CRTC2: variants seen among roughly 807,000 people sequenced by gnomAD.
The protein encoded by CRTC2 is CREB-regulated transcription coactivator 2.
In CRTC2, 25 loss-of-function variants were observed where a neutral mutation model predicts 70.9. The ratio of observed to expected loss-of-function variants is 0.35; its 90% confidence interval spans 0.26 to 0.49. The LOEUF is 0.49. Ranked by LOEUF, CRTC2 falls within the 20% of genes least tolerant of loss-of-function variation. The pLI, the probability that CRTC2 is intolerant of heterozygous loss-of-function variation, is 0.98. For missense variants in CRTC2, 737 were observed against 882.6 expected (o/e 0.83, Z 2.09); for synonymous variants, 330 against 364.1 (o/e 0.91, Z 1.07).
At position 153,948,501 on chromosome 1, in the gene CRTC2, G is replaced by A. The variant is rs1294396451; in HGVS notation, c.1818C>T (p.Thr606=). 2.5e-6 allele frequency: 4 copies of A among 1,610,816 alleles called. No individual in the cohort carries two copies. The East Asian group carries it at 8.9e-5, about 36-fold the overall frequency. ...GCCCTGAGCCATGGCGGGAACAGTGGGTCAAGTTCTGGTGGTTGAAGGTGT... is the reference window on the plus strand; with the variant it reads ...GCCCTGAGCCATGGCGGGAACAGTGAGTCAAGTTCTGGTGGTTGAAGGTGT... ...DPHTFNHQNL[T]HCSRHGSGPN... Residue 606 remains threonine (T), a synonymous_variant, in exon 13 of 14, where the codon ACC becomes ACT. Coordinates refer to ENST00000368633, the MANE Select transcript of CRTC2 (RefSeq NM_181715.3).
chr1:153,958,107 C>T (rs920340718), intron 1 of CRTC2: 18 of 1,390,612 alleles, frequency 1.3e-5, no homozygotes, highest in Non-Finnish European at 1.6e-5. Flanking sequence ...CCACTCCCAC[C>T]TCACGTACTC....
intron 5 of CRTC2, 28 bp from the exon 6 acceptor site, chr1:153,953,397 A>C: frequency 6.5e-7 from 1 of 1,550,188 alleles, no homozygotes; most frequent in Non-Finnish European, 8.9e-7. Context: ...ATGAGCTGAC[A>C]CCAGTGACAG....
rs766326944 is a variant in CRTC2 at position 153,954,879 on chromosome 1, G to C, written c.366C>G (p.Thr122=). Residue 122 remains threonine, a synonymous_variant, in exon 3 of 14, where the codon ACC becomes ACG. Coordinates refer to ENST00000368633, the MANE Select transcript of CRTC2 (RefSeq NM_181715.3). ...AGTCCCCTGTGAAGGATATGTGGCG[G>C]GTGTATCGGCGAAGTGGGGACACCA... ...RRMVSPLRRY[T]RHIDSSPYSP... is the part of the protein sequence containing the mutation. The C allele has an allele frequency of 3.1e-6, 5 of 1,612,704 alleles. No homozygotes were observed. The highest frequency in any genetic ancestry group is 1.1e-5 in the South Asian group (1 of 91,026).
Position 153,958,403 on chromosome 1 carries a change from C to A in CRTC2, c.95G>T (p.Arg32Leu), listed in dbSNP as rs774266565. The A allele has an allele frequency of 1.2e-6, 2 of 1,613,362 alleles. No individual in the cohort carries two copies. The highest frequency in any genetic ancestry group is 1.7e-6 in the Non-Finnish European group (2 of 1,179,750). ...FSEKIALQKQRQAEETAAFEE... is the reference protein window; with the variant it reads ...FSEKIALQKQLQAEETAAFEE... ...GAAGGCCGCCGTCTCCTCGGCCTGACGCTGCTTCTGCAGCGCAATCTTCTC... is the reference window on the plus strand; with the variant it reads ...GAAGGCCGCCGTCTCCTCGGCCTGAAGCTGCTTCTGCAGCGCAATCTTCTC... The change falls in exon 1 of 14, where the codon CGT (arginine) becomes CTT (leucine). Residue 32 changes from arginine to leucine, a missense_variant. Around this residue, in one of 3 missense-constraint regions of CRTC2, gnomAD observed 9 missense variants for 33.5 expected, o/e 0.27. Transcript: ENST00000368633.
At position 153,949,036 on chromosome 1, in the gene CRTC2, C is replaced by T. The variant is rs1435196017; in HGVS notation, c.1674+79G>A. 1.8e-5 allele frequency: 26 copies of T among 1,479,476 alleles called. No individual in the cohort carries two copies. The East Asian group carries it at 3.4e-4, about 19-fold the overall frequency. 91.6% of individuals were successfully genotyped at this position (1,479,476 alleles called of 1,614,324 possible). Reference sequence around the variant, plus strand: ...CACCTAGATCTCCCCATTCACAGTGCACCAGCCATGCCATTCAGGCCCCAT... The same window carrying T: ...CACCTAGATCTCCCCATTCACAGTGTACCAGCCATGCCATTCAGGCCCCAT... On this transcript the variant is annotated intron_variant, in intron 12 of 13. Coordinates refer to ENST00000368633, the MANE Select transcript of CRTC2 (RefSeq NM_181715.3).
At chr1:153,954,190 G>C in intron 4 of CRTC2, 65 bp downstream of exon 4, 1 of 1,262,548 alleles carries the variant, frequency 7.9e-7, no homozygotes, top group Admixed American at 1.8e-5. Flanking sequence ...AACCCAGAAG[G>C]GGCAACTCCT....
In CRTC2 at chr1:153,949,261, G is replaced by C; in HGVS notation, c.1528C>G (p.Leu510Val). Reference sequence around the variant, plus strand: ...TGCACTGAACAAGACTGAGAGGGCAGCCCTGGCTGCTGTAGAGACTTTGGG... The same window carrying C: ...TGCACTGAACAAGACTGAGAGGGCACCCCTGGCTGCTGTAGAGACTTTGGG... ...HTPKSLQQPGLPSQSCSVQSS... is the reference protein window; with the variant it reads ...HTPKSLQQPGVPSQSCSVQSS... Residue 510 changes from leucine to valine, a missense_variant, in exon 12 of 14, where the codon CTG (leucine) becomes GTG (valine). Transcript: ENST00000368633. 6.2e-7 allele frequency: 1 copy of C among 1,614,162 alleles called. No individual in the cohort carries two copies. The highest frequency in any genetic ancestry group is 8.5e-7 in the Non-Finnish European group (1 of 1,180,040).
At chr1:153,953,227 C>T in intron 6 of CRTC2, 39 bp downstream of exon 6, 1 of 1,016,136 alleles carries the variant, frequency 9.8e-7, no homozygotes, top group Non-Finnish European at 1.5e-6. Flanking sequence ...AAATAAATAG[C>T]TCCATGGTTA....
Position 153,955,102 on chromosome 1 carries a change from T to C in CRTC2, c.218A>G (p.Asn73Ser), listed in dbSNP as rs267598050. Residue 73 changes from asparagine to serine, a missense_variant, in exon 2 of 14, where the codon AAT (asparagine) becomes AGT (serine). Asn to Ser is a conservative substitution (Grantham distance 46). Transcript: ENST00000368633. The stretch of plus-strand genomic sequence containing the variant: ...CAGGCCAGAGCCAATCTGGTTAACA[T>C]TGGGCAGAGACCCACCATAATGAGA... Reference protein sequence around the residue: ...RSSHYGGSLPNVNQIGSGLAE... With the variant: ...RSSHYGGSLPSVNQIGSGLAE... The C allele has an allele frequency of 1.4e-5, 23 of 1,613,934 alleles. No individual in the cohort carries two copies. The highest frequency in any genetic ancestry group is 6.7e-5 in the African/African-American group (5 of 74,902).
At chr1:153,957,788 A>G (rs1320045452) in intron 1 of CRTC2, among the ~76,000 whole-genome samples, 1 of 152,144 alleles carries the variant, frequency 6.6e-6, no homozygotes, top group Non-Finnish European at 1.5e-5. Context: ...GGAAACCACA[A>G]GAAGTATTTG....
chr1:153,948,300 T>G lies in CRTC2; in HGVS notation c.1891A>C (p.Ile631Leu). ...GGCACTCCGGCCAGGGCTGCTGCAA[T>G]CTCCTTAGAGAAACCTGGAGAGGAG... ...GDSSPGFSKE[I>L]AAALAGVPGF... The change falls in exon 14 of 14, where the codon ATT becomes CTT. Residue 631 changes from isoleucine to leucine, a missense_variant. Physicochemically the swap from Ile to Leu is conservative, Grantham distance 5. This residue lies in a region of CRTC2 where 699 missense variants were observed against 823.7 expected (regional missense o/e 0.85). Transcript: ENST00000368633. The G allele has an allele frequency of 6.2e-7, 1 of 1,614,208 alleles. No homozygotes were observed. The highest frequency in any genetic ancestry group is 8.5e-7 in the Non-Finnish European group (1 of 1,180,034).
In CRTC2 at chr1:153,958,444, A is replaced by C; in HGVS notation, c.54T>G (p.Asn18Lys). ...CAATCTTCTCACTAAATTTGCGCGG[A>C]TTGGAAGCCGAGGCCGTGGCCGAAC... ...GPGSATASAS[N>K]PRKFSEKIAL... Residue 18 changes from asparagine to lysine, a missense_variant, in exon 1 of 14, where the codon AAT (asparagine) becomes AAG (lysine). This residue lies in a region of CRTC2 where 29 missense variants were observed against 25.5 expected (regional missense o/e 1.14). Coordinates refer to ENST00000368633, the MANE Select transcript of CRTC2 (RefSeq NM_181715.3). 1 of 1,613,388 alleles carries C rather than the reference A, an allele frequency of 6.2e-7. No individual in the cohort carries two copies. The highest frequency in any genetic ancestry group is 8.5e-7 in the Non-Finnish European group (1 of 1,179,764).
intron 13 of CRTC2, 54 bp downstream of exon 13, chr1:153,948,404 A>G: frequency 6.2e-7 from 1 of 1,610,076 alleles, no homozygotes. Context: ...CCTACTCATT[A>G]GTGAATGTGT....
intron 4 of CRTC2, among the ~76,000 whole-genome samples, chr1:153,953,941 C>T (rs1680488123): frequency 6.6e-6 from 1 of 152,142 alleles, no homozygotes; most frequent in Non-Finnish European, 1.5e-5. Flanking sequence ...CCACCCTTGA[C>T]AGAAGGTTGC....
rs1486312530 is a variant in CRTC2 at position 153,948,423 on chromosome 1, C to T, written c.1861+35G>A. 3.7e-6 allele frequency: 6 copies of T among 1,607,994 alleles called. No homozygotes were observed. In the South Asian group the frequency reaches 5.5e-5, roughly 15 times the overall value. On this transcript the variant is annotated intron_variant, in intron 13 of 13. Coordinates refer to ENST00000368633, the MANE Select transcript of CRTC2 (RefSeq NM_181715.3). ...CTCATTAGTGAATGTGTCACTTCCT[C>T]CTTCCATTTCCCATCACCACCCACC... is the stretch of plus-strand genomic sequence containing the variant.
In CRTC2 at chr1:153,951,584, C is replaced by G. The variant is rs1439302456; in HGVS notation, c.1080G>C (p.Gln360His). 6.2e-7 allele frequency: 1 copy of G among 1,612,878 alleles called. No individual in the cohort carries two copies. Among genetic ancestry groups the G allele is most frequent in the East Asian group, 2.2e-5 (1 of 44,844 alleles). Residue 360 changes from glutamine (Q) to histidine (H), a missense_variant, in exon 11 of 14, where the codon CAG becomes CAC. Gln to His is a conservative substitution (Grantham distance 24). This residue lies in a region of CRTC2 where 699 missense variants were observed against 823.7 expected (regional missense o/e 0.85). Coordinates refer to ENST00000368633, the MANE Select transcript of CRTC2 (RefSeq NM_181715.3). ...PNLQASLSSP[Q>H]PQLQGSHSHP... ...GGCTGTGGGAGCCCTGAAGCTGGGG[C>G]TGAGGACTGCTCAGGGAAGCCTGGA...
Position 153,953,621 on chromosome 1 carries a change from C to T in CRTC2, c.435-15G>A. On this transcript the variant is annotated splice_polypyrimidine_tract_variant and intron_variant, in intron 4 of 13. Coordinates refer to ENST00000368633, the MANE Select transcript of CRTC2 (RefSeq NM_181715.3). ...AGGCCATCGTCCTGGGGTAGAAAAA[C>T]AAAGTCATGAGGAGGAAGGCTGGCA... The T allele has an allele frequency of 1.1e-5, 18 of 1,598,604 alleles. No individual in the cohort carries two copies. Among genetic ancestry groups the T allele is most frequent in the Middle Eastern group, 2.2e-4 (1 of 4,476 alleles).
chr1:153,954,192 G>A, intron 4 of CRTC2, 63 bp downstream of exon 4: 2 of 1,291,908 alleles, frequency 1.5e-6, no homozygotes, highest in Non-Finnish European at 2.2e-6. Context: ...CCCAGAAGGG[G>A]CAACTCCTTC....
chr1:153,955,572 A>G (rs867248374), intron 1 of CRTC2, among the ~76,000 whole-genome samples: 2 of 150,484 alleles, frequency 1.3e-5, no homozygotes, highest in African/African-American at 4.9e-5. Flanking sequence ...GTCTCAAAAA[A>G]AAAAAAAAAA....
Sources: gnomAD v4.1 joint callset for allele counts (sites outside exome capture counted in the v4.1 genomes callset) on GRCh38, gnomAD v4.1.1 for gene constraint, gnomAD v4.1.1 regional missense constraint, MANE v1.5 for transcripts, NCBI Gene and HGNC (gene_info 2026-07-23, HGNC 2026-07-21) for gene names.